VPS13B: variants seen among roughly 807,000 people sequenced by gnomAD.
VPS13B encodes the protein vacuolar protein sorting 13 homolog B.
A neutral mutation model predicts 426.4 loss-of-function variants in VPS13B; 285 were observed. The ratio of observed to expected loss-of-function variants is 0.67; its 90% CI spans 0.61 to 0.74. VPS13B has a LOEUF of 0.74. Among genes scored for constraint, VPS13B ranks in the 30% least tolerant of loss-of-function variants. VPS13B has a pLI of 0.00. For missense variants in VPS13B, 4,537 were observed against 4,782.6 expected, an observed-to-expected ratio of 0.95 and a Z score of 1.51; for synonymous variants, 1,676 against 1,676.4, an observed-to-expected ratio of 1.00 and a Z score of 0.01.
At chr8:99,209,205 G>A (rs1814915293) in intron 17 of VPS13B, among the ~76,000 whole-genome samples, 1 of 151,732 alleles carries the variant, frequency 6.6e-6, no homozygotes, top group Non-Finnish European at 1.5e-5. Context: ...CTTTAACACG[G>A]GAGGCAGAGG....
At chr8:99,525,872 A>C (rs1822612600) in intron 30 of VPS13B, among the ~76,000 whole-genome samples, 1 of 152,178 alleles carries the variant, frequency 6.6e-6, no homozygotes, top group Non-Finnish European at 1.5e-5. Flanking sequence ...AGGGATCCTG[A>C]AGCAGGAAGA....
intron 19 of VPS13B, among the ~76,000 whole-genome samples, chr8:99,311,178 G>C (rs1820952718): frequency 6.6e-6 from 1 of 152,072 alleles, no homozygotes; most frequent in African/African-American, 2.4e-5. Flanking sequence ...CTTCAGTTCT[G>C]CTCTGATTTT....
rs1833089970 is a variant in VPS13B, at chr8:99,720,448, C to G, written c.6761C>G (p.Pro2254Arg). The G allele has an allele frequency of 2.5e-6, 4 of 1,613,752 alleles. No homozygotes were observed. The South Asian group carries it at 4.4e-5, about 18-fold the overall frequency. ...EGNFEVQVSE[P>R]VPQMSSPVEK... is the part of the protein sequence containing the mutation. The stretch of plus-strand genomic sequence containing the variant: ...AATTTTGAAGTACAAGTTTCTGAAC[C>G]AGTGCCTCAAATGTCATCTCCTGTG... The change falls in exon 38 of 62, where the codon CCA becomes CGA. Residue 2254 changes from proline (P) to arginine (R), a missense_variant. Coordinates refer to ENST00000357162, the MANE Select transcript of VPS13B (RefSeq NM_152564.5).
chr8:99,194,684 A>G (rs1428279360), intron 17 of VPS13B, among the ~76,000 whole-genome samples: 2 of 152,130 alleles, frequency 1.3e-5, no homozygotes, highest in African/African-American at 4.8e-5. Context: ...GGATACTTAT[A>G]CTGATTTCAT....
At chr8:99,508,255 T>A (rs1821603541) in intron 28 of VPS13B, among the ~76,000 whole-genome samples, 1 of 152,144 alleles carries the variant, frequency 6.6e-6, no homozygotes, top group Admixed American at 6.5e-5. Flanking sequence ...CTTTAAAAAT[T>A]TTTTTTCTAT....
intron 35 of VPS13B, among the ~76,000 whole-genome samples, chr8:99,671,522 T>A (rs1357190232): frequency 1.3e-5 from 2 of 152,188 alleles, no homozygotes; most frequent in Non-Finnish European, 2.9e-5. Context: ...GCTTTTCAGA[T>A]AATATCCAGA....
At chr8:99,470,446 A>C (rs568623724) in intron 24 of VPS13B, among the ~76,000 whole-genome samples, 1 of 152,186 alleles carries the variant, frequency 6.6e-6, no homozygotes, top group African/African-American at 2.4e-5. Flanking sequence ...TGAGGAATAA[A>C]AAGTATAAAA....
chr8:99,578,436 A>T (rs1303121978), intron 33 of VPS13B, among the ~76,000 whole-genome samples: 1 of 152,146 alleles, frequency 6.6e-6, no homozygotes, highest in African/African-American at 2.4e-5. Context: ...ATTATGTATT[A>T]TAACTGTGAC....
At chr8:99,455,903 A>G (rs1217660985) in intron 23 of VPS13B, among the ~76,000 whole-genome samples, 1 of 152,228 alleles carries the variant, frequency 6.6e-6, no homozygotes, top group Non-Finnish European at 1.5e-5. Flanking sequence ...ACAGTGAATA[A>G]TGCTGTTATG....
chr8:99,828,377 C>T (rs1814818844), intron 51 of VPS13B, among the ~76,000 whole-genome samples: 2 of 96,518 alleles, frequency 2.1e-5, no homozygotes, highest in African/African-American at 4.1e-5. Flanking sequence ...TTATCAGAGA[C>T]TAGGATTACA....
chr8:99,450,165 A>T (rs1479569411), intron 23 of VPS13B, among the ~76,000 whole-genome samples: 1 of 152,198 alleles, frequency 6.6e-6, no homozygotes, highest in African/African-American at 2.4e-5. Context: ...TGAAGAACTA[A>T]TTTAATAAAT....
intron 19 of VPS13B, among the ~76,000 whole-genome samples, chr8:99,363,069 C>T (rs956832678): frequency 6.6e-6 from 1 of 152,114 alleles, no homozygotes; most frequent in Non-Finnish European, 1.5e-5. Flanking sequence ...CTCAAGAAAT[C>T]TCTGCTCAGA....
Position 99,135,257 on chromosome 8 carries a change from T to A in VPS13B, c.1425+120T>A. ...TATATCTCAGGCTTGAGAGAGGAGC[T>A]TTACTATTTCTCCCTGTGTTTCACC... is the stretch of plus-strand genomic sequence containing the variant. On this transcript the variant is annotated intron_variant, in intron 10 of 61. Coordinates refer to ENST00000357162, the MANE Select transcript of VPS13B (RefSeq NM_152564.5). The A allele has an allele frequency of 5.0e-6, 7 of 1,407,472 alleles. No homozygotes were observed. In the South Asian group the frequency reaches 9.1e-5, roughly 18 times the overall value. 87.2% of individuals were successfully genotyped at this position (1,407,472 alleles called of 1,614,324 possible).
intron 33 of VPS13B, among the ~76,000 whole-genome samples, chr8:99,625,876 C>A (rs968940869): frequency 6.6e-6 from 1 of 151,906 alleles, no homozygotes; most frequent in Non-Finnish European, 1.5e-5. Flanking sequence ...ACAAAAAAAA[C>A]CCAGCAACAT....
intron 3 of VPS13B, among the ~76,000 whole-genome samples, chr8:99,041,835 A>G (rs1386683752): frequency 2.0e-5 from 3 of 151,262 alleles, no homozygotes; most frequent in Admixed American, 2.0e-4. Flanking sequence ...CCTGGGCGAC[A>G]GAGCGAGACT....
chr8:99,556,921 T>C (rs1440655523), intron 31 of VPS13B, among the ~76,000 whole-genome samples: 2 of 152,000 alleles, frequency 1.3e-5, no homozygotes, highest in Non-Finnish European at 2.9e-5. Flanking sequence ...AAGAATCTAC[T>C]TCAGGCTAAA....
chr8:99,078,986 C>G (rs1010829637), intron 3 of VPS13B, among the ~76,000 whole-genome samples: 1 of 152,046 alleles, frequency 6.6e-6, no homozygotes, highest in African/African-American at 2.4e-5. Context: ...GATTCATCCT[C>G]AGGCTGCTGG....
intron 36 of VPS13B, among the ~76,000 whole-genome samples, chr8:99,707,780 A>G (rs1281031815): frequency 2.0e-5 from 3 of 152,170 alleles, no homozygotes; most frequent in African/African-American, 4.8e-5. Flanking sequence ...CTCATTGAGT[A>G]CAGAGTGAAG....
chr8:99,162,289 G>A (rs1811703039), intron 15 of VPS13B, among the ~76,000 whole-genome samples: 1 of 152,136 alleles, frequency 6.6e-6, no homozygotes, highest in Non-Finnish European at 1.5e-5. Context: ...TATTACAGTA[G>A]TACAGTAGAG....
Sources: gnomAD v4.1 joint callset for allele counts (sites outside exome capture counted in the v4.1 genomes callset) on GRCh38, gnomAD v4.1.1 for gene constraint, MANE v1.5 for transcripts, NCBI Gene and HGNC (gene_info 2026-07-23, HGNC 2026-07-21) for gene names.